Variants in SDK1 observed in about 807,000 individuals in gnomAD.
SDK1 encodes sidekick cell adhesion molecule 1, also known as protein sidekick-1.
SDK1 carries 157 observed loss-of-function variants against 245.5 expected under a neutral mutation model. That is an observed-to-expected ratio of 0.64 (90% CI 0.56 to 0.73). The LOEUF (loss-of-function observed/expected upper bound fraction) is 0.73, where lower values mean the gene tolerates loss of function less well. Among genes scored for constraint, SDK1 ranks in the 30% least tolerant of loss-of-function variants. SDK1 has a pLI of 0.00. For synonymous variants in SDK1, 1,647 were observed against 1,278.5 expected (o/e 1.29, Z -6.15); for missense variants, 3,583 against 3,002.3 (o/e 1.19, Z -4.52).
At chr7:4,247,685 C>T (rs908492863) in intron 44 of SDK1, among the ~76,000 whole-genome samples, 5 of 152,178 alleles carry the variant, frequency 3.3e-5, no homozygotes, top group African/African-American at 7.2e-5. Flanking sequence ...GTGTGCTGAG[C>T]GCTCGCTGCT....
chr7:3,770,579 T>C (rs529983977), intron 4 of SDK1, among the ~76,000 whole-genome samples: 47 of 152,236 alleles, frequency 3.1e-4, no homozygotes, highest in African/African-American at 1.1e-3. Flanking sequence ...AACGTCTGAG[T>C]GGAGTAGAGA....
Position 3,804,705 on chromosome 7 carries a change from C to G in SDK1, c.714-16745C>G, listed in dbSNP as rs370132520. On this transcript the variant is annotated intron_variant, in intron 4 of 44. Coordinates refer to ENST00000404826, the MANE Select transcript of SDK1 (RefSeq NM_152744.4). ...TCCAATCCATGAACTCTTTATCACT[C>G]TCCATTTGTGTAGAACTTTGATTTC... 2.0e-5 allele frequency among the ~76,000 whole-genome samples: 3 copies of G among 152,320 alleles called. No homozygotes were observed. The East Asian group carries it at 5.8e-4, about 29-fold the overall frequency.
At chr7:3,348,136 A>G (rs1780557824) in intron 1 of SDK1, among the ~76,000 whole-genome samples, 1 of 152,168 alleles carries the variant, frequency 6.6e-6, no homozygotes, top group African/African-American at 2.4e-5. Flanking sequence ...TACATCACAG[A>G]CAGCAAAGCT....
intron 40 of SDK1, among the ~76,000 whole-genome samples, chr7:4,232,486 C>T (rs150043617): frequency 2.3e-5 from 3 of 131,140 alleles, no homozygotes; most frequent in Non-Finnish European, 4.6e-5. Flanking sequence ...GAGATAGAGT[C>T]TCACTCTGTT....
At chr7:3,952,171 G>A (rs1207287646) in intron 7 of SDK1, 1 of 504,078 alleles carries the variant, frequency 2.0e-6, no homozygotes, top group Non-Finnish European at 3.5e-6. Flanking sequence ...ACAAAGCTCG[G>A]GAAATAGAGC....
At chr7:3,433,881 C>T (rs1476159633) in intron 1 of SDK1, among the ~76,000 whole-genome samples, 1 of 152,164 alleles carries the variant, frequency 6.6e-6, no homozygotes, top group East Asian at 1.9e-4. Context: ...GTTTTAGACA[C>T]AGTTTTACAT....
chr7:3,980,345 G>A (rs1783303736), intron 13 of SDK1, among the ~76,000 whole-genome samples: 1 of 152,206 alleles, frequency 6.6e-6, no homozygotes, highest in South Asian at 2.1e-4. Flanking sequence ...TCCTGTGCCT[G>A]ACGGTGGTTT....
intron 1 of SDK1, among the ~76,000 whole-genome samples, chr7:3,346,016 T>G (rs939141831): frequency 6.6e-6 from 1 of 152,230 alleles, no homozygotes; most frequent in African/African-American, 2.4e-5. Flanking sequence ...TGTTAGATGT[T>G]TCTGGCACTT....
chr7:3,752,124 T>C (rs1779792716), intron 4 of SDK1, among the ~76,000 whole-genome samples: 1 of 152,202 alleles, frequency 6.6e-6, no homozygotes, highest in Non-Finnish European at 1.5e-5. Flanking sequence ...GAACGTATAT[T>C]GCACTTTTCG....
chr7:3,410,839 G>A (rs562008624), intron 1 of SDK1, among the ~76,000 whole-genome samples: 3 of 151,784 alleles, frequency 2.0e-5, no homozygotes, highest in South Asian at 2.1e-4. Context: ...CGCCTGCCTC[G>A]GCCTCCCACG....
At chr7:3,917,451 T>C (rs1779424004) in intron 5 of SDK1, among the ~76,000 whole-genome samples, 1 of 152,206 alleles carries the variant, frequency 6.6e-6, no homozygotes, top group Admixed American at 6.5e-5. Context: ...AGACACGGGC[T>C]GCACTTTGGG....
intron 1 of SDK1, among the ~76,000 whole-genome samples, chr7:3,495,012 G>A (rs1781981286): frequency 6.6e-6 from 1 of 152,022 alleles, no homozygotes; most frequent in African/African-American, 2.4e-5. Context: ...CCATAAACCT[G>A]GTGTTGATTC....
At chr7:4,213,840 T>TG (rs1225597325) in intron 38 of SDK1, among the ~76,000 whole-genome samples, 2 of 152,218 alleles carry the variant, frequency 1.3e-5, no homozygotes, top group African/African-American at 2.4e-5. Flanking sequence ...TTTGCATCAC[T>TG]GGGAAACTCA....
At chr7:3,914,434 G>A (rs974642943) in intron 5 of SDK1, among the ~76,000 whole-genome samples, 1 of 152,308 alleles carries the variant, frequency 6.6e-6, no homozygotes, top group African/African-American at 2.4e-5. Context: ...AAATCACAGC[G>A]AGATTGTGGC....
intron 1 of SDK1, among the ~76,000 whole-genome samples, chr7:3,375,889 G>A (rs1781344201): frequency 6.6e-6 from 1 of 152,232 alleles, no homozygotes; most frequent in African/African-American, 2.4e-5. Context: ...AGAAAATGCT[G>A]ATTGCTGTTT....
intron 14 of SDK1, among the ~76,000 whole-genome samples, chr7:4,001,467 G>C (rs1468431305): frequency 6.6e-6 from 1 of 152,224 alleles, no homozygotes; most frequent in African/African-American, 2.4e-5. Context: ...CTTGACCTGA[G>C]GCTCTGGAGG....
chr7:3,720,367 T>G (rs1031889083), intron 4 of SDK1, among the ~76,000 whole-genome samples: 2 of 152,176 alleles, frequency 1.3e-5, no homozygotes, highest in Non-Finnish European at 2.9e-5. Context: ...ATTGAATATA[T>G]AGACTACTCT....
intron 1 of SDK1, among the ~76,000 whole-genome samples, chr7:3,569,598 A>G (rs906305973): frequency 2.0e-5 from 3 of 152,182 alleles, no homozygotes; most frequent in African/African-American, 7.2e-5. Context: ...TCTGCTTTGC[A>G]TTCTTCAAGG....
At chr7:3,609,639 A>T (rs1218364190) in intron 1 of SDK1, among the ~76,000 whole-genome samples, 1 of 151,910 alleles carries the variant, frequency 6.6e-6, no homozygotes, top group African/African-American at 2.4e-5. Context: ...TGATCTTATG[A>T]TCTGTCCACC....
Sources: gnomAD v4.1 joint callset for allele counts (sites outside exome capture counted in the v4.1 genomes callset) on GRCh38, gnomAD v4.1.1 for gene constraint, MANE v1.5 for transcripts, NCBI Gene and HGNC (gene_info 2026-07-23, HGNC 2026-07-21) for gene names.